EPB41L4B: variants seen among roughly 807,000 people sequenced by gnomAD.
The protein encoded by EPB41L4B is band 4.1-like protein 4B.
In EPB41L4B, 30 loss-of-function variants were observed where a neutral mutation model predicts 112.5. The observed-to-expected ratio is 0.27, with a 90% CI of 0.20 to 0.36. The LOEUF (loss-of-function observed/expected upper bound fraction) is 0.36, where lower values mean the gene tolerates loss of function less well. EPB41L4B is among the 10% of genes least tolerant of loss of function. EPB41L4B has a pLI of 1.00. For missense variants in EPB41L4B, 1,024 were observed against 1,133.3 expected, an observed-to-expected ratio of 0.90 and a Z score of 1.38; for synonymous variants, 408 against 439.7, an observed-to-expected ratio of 0.93 and a Z score of 0.90.
chr9:109,255,431 A>G (rs1834940050), intron 11 of EPB41L4B, 80 bp downstream of exon 11: 4 of 1,536,514 alleles, frequency 2.6e-6, no homozygotes, highest in Non-Finnish European at 3.6e-6. Flanking sequence ...CAAATCCACT[A>G]CTCTATTCGC....
At chr9:109,178,600 C>T (rs1018472513) in intron 24 of EPB41L4B, among the ~76,000 whole-genome samples, 6 of 151,936 alleles carry the variant, frequency 3.9e-5, no homozygotes, top group Non-Finnish European at 5.9e-5. Context: ...GGCTAGCTGA[C>T]ACCATAACTG....
intron 20 of EPB41L4B, among the ~76,000 whole-genome samples, chr9:109,198,944 G>T (rs990590953): frequency 6.7e-6 from 1 of 150,198 alleles, no homozygotes; most frequent in African/African-American, 2.4e-5. Context: ...AAAAAAAAAG[G>T]GAAATACCAT....
Position 109,269,120 on chromosome 9 carries a change from T to C in EPB41L4B, c.412-687A>G, listed in dbSNP as rs150715375. On this transcript the variant is annotated intron_variant, in intron 2 of 25. Coordinates refer to ENST00000374566, the MANE Select transcript of EPB41L4B (RefSeq NM_019114.5). The stretch of plus-strand genomic sequence containing the variant: ...AGGTCTCCATTAATCTAGCAAAAAG[T>C]ACAAGCTATGATACCAATAATCTCT... Among the ~76,000 whole-genome samples, 40 of 152,264 alleles carry C rather than the reference T, an allele frequency of 2.6e-4. No homozygotes were observed. In the East Asian group the frequency reaches 4.8e-3, roughly 18 times the overall value.
At chr9:109,293,150 C>T (rs1402500937) in intron 1 of EPB41L4B, among the ~76,000 whole-genome samples, 1 of 152,194 alleles carries the variant, frequency 6.6e-6, no homozygotes, top group African/African-American at 2.4e-5. Flanking sequence ...TTTTACAGCA[C>T]TAAGCACTGG....
chr9:109,245,185 C>T (rs1834507048), intron 14 of EPB41L4B, among the ~76,000 whole-genome samples: 1 of 152,170 alleles, frequency 6.6e-6, no homozygotes, highest in Non-Finnish European at 1.5e-5. Context: ...GATGATTTGC[C>T]CAGAGTCTAA....
chr9:109,257,012 A>G (rs1835007872), intron 7 of EPB41L4B, among the ~76,000 whole-genome samples: 2 of 152,242 alleles, frequency 1.3e-5, no homozygotes, highest in Admixed American at 6.5e-5. Flanking sequence ...GGAAACAACA[A>G]AACAAGTTGT....
At chr9:109,246,259 G>A (rs1008653267) in intron 14 of EPB41L4B, among the ~76,000 whole-genome samples, 5 of 152,078 alleles carry the variant, frequency 3.3e-5, no homozygotes, top group East Asian at 1.9e-4. Flanking sequence ...AAAATTAGCC[G>A]GGCGTGGTGG....
At chr9:109,244,588 G>A (rs1173675267) in intron 14 of EPB41L4B, among the ~76,000 whole-genome samples, 3 of 151,808 alleles carry the variant, frequency 2.0e-5, no homozygotes. Context: ...ACAGGCACGT[G>A]CCACCACACC....
chr9:109,192,441 G>A, intron 21 of EPB41L4B, 86 bp from the exon 22 acceptor site: 8 of 955,104 alleles, frequency 8.4e-6, no homozygotes, highest in Non-Finnish European at 1.3e-5. Flanking sequence ...GAGGTTCCCA[G>A]CCTCTCCTCT....
chr9:109,300,616 T>C (rs537540286), intron 1 of EPB41L4B: 130 of 152,150 alleles, frequency 8.5e-4, no homozygotes, highest in African/African-American at 3.0e-3. Context: ...GGAAACCCTG[T>C]CCCTACTAAA....
chr9:109,297,668 G>A (rs1836788748), intron 1 of EPB41L4B, among the ~76,000 whole-genome samples: 1 of 152,252 alleles, frequency 6.6e-6, no homozygotes, highest in African/African-American at 2.4e-5. Context: ...AGGCCTCGCT[G>A]CGTGGCAGCC....
intron 15 of EPB41L4B, among the ~76,000 whole-genome samples, chr9:109,224,635 G>A (rs1167631657): frequency 4.6e-5 from 7 of 152,104 alleles, no homozygotes; most frequent in African/African-American, 1.4e-4. Context: ...TGCAGCGATG[G>A]TTGCACAACT....
chr9:109,286,661 C>T (rs565172889), intron 1 of EPB41L4B, among the ~76,000 whole-genome samples: 1 of 152,268 alleles, frequency 6.6e-6, no homozygotes, highest in African/African-American at 2.4e-5. Context: ...CTGGGTGTTG[C>T]AGACACAACT....
At position 109,267,530 on chromosome 9, in the gene EPB41L4B, T is replaced by C; in HGVS notation, c.476A>G (p.His159Arg). 2 of 1,613,184 alleles carry C rather than the reference T, an allele frequency of 1.2e-6. No individual in the cohort carries two copies. The highest frequency in any genetic ancestry group is 8.5e-7 in the Non-Finnish European group (1 of 1,179,188). Residue 159 changes from histidine to arginine, a missense_variant, in exon 4 of 26, where the codon CAC becomes CGC. By Grantham distance (29) the His-to-Arg change is conservative. Transcript: ENST00000374566. Reference protein sequence around the residue: ...QMKIGPAYALHFRVKYYSSEP... With the variant: ...QMKIGPAYALRFRVKYYSSEP... ...TGAAGAATAGTATTTAACTCGAAAG[T>C]GTAAAGCATAAGCAGGTCCAACTAA...
chr9:109,201,728 C>G (rs192179729), intron 19 of EPB41L4B, among the ~76,000 whole-genome samples: 1 of 151,936 alleles, frequency 6.6e-6, no homozygotes, highest in Non-Finnish European at 1.5e-5. Context: ...CCTGGCTGAA[C>G]GCAGGGCACT....
chr9:109,181,946 C>T (rs990226678), intron 24 of EPB41L4B, among the ~76,000 whole-genome samples: 8 of 152,150 alleles, frequency 5.3e-5, no homozygotes, highest in Admixed American at 1.3e-4. Context: ...TGGTGGCTCA[C>T]GCCTGTAATC....
intron 4 of EPB41L4B, among the ~76,000 whole-genome samples, chr9:109,266,243 G>A (rs1835396034): frequency 6.6e-6 from 1 of 152,178 alleles, no homozygotes. Context: ...AGGGGTGGTG[G>A]CACACACCTG....
At chr9:109,283,094 GA>G (rs1237536453) in intron 1 of EPB41L4B, among the ~76,000 whole-genome samples, 1 of 152,212 alleles carries the variant, frequency 6.6e-6, no homozygotes, top group African/African-American at 2.4e-5. Flanking sequence ...AAGGCAAAAT[GA>G]AAATGCAACG....
Position 109,320,245 on chromosome 9 carries a change from T to A in EPB41L4B, c.202A>T (p.Thr68Ser). The A allele has an allele frequency of 8.0e-7, 1 of 1,253,306 alleles. No homozygotes were observed. 77.6% of individuals were successfully genotyped at this position (1,253,306 alleles called of 1,614,324 possible). Residue 68 changes from threonine (T) to serine (S), a missense_variant, in exon 1 of 26, where the codon ACC (threonine) becomes TCC (serine). Thr to Ser is a moderately conservative substitution (Grantham distance 58). Coordinates refer to ENST00000374566, the MANE Select transcript of EPB41L4B (RefSeq NM_019114.5). ...VFPAGGGPLL[T>S]GGAAVHISAA... ...GAGATGTGCACGGCCGCGCCGCCGG[T>A]GAGCAGGGGCCCGCCGCCCGCCGGG...
Sources: allele counts gnomAD v4.1 joint callset (sites outside exome capture counted in the v4.1 genomes callset), GRCh38; gene constraint gnomAD v4.1.1; transcripts MANE v1.5; gene names NCBI Gene and HGNC (gene_info 2026-07-23, HGNC 2026-07-21).